EPHA6: variants seen among roughly 807,000 people sequenced by gnomAD.
EPHA6 encodes EPH receptor A6.
Under a neutral mutation model 112.0 loss-of-function variants are expected in EPHA6, and 50 were observed. That is an observed-to-expected ratio of 0.45 (90% CI 0.36 to 0.56). The LOEUF is 0.56. EPHA6 is among the 20% of genes least tolerant of loss of function. The pLI is 0.00. For synonymous variants in EPHA6, 529 were observed against 490.7 expected, an observed-to-expected ratio of 1.08 and a Z score of -1.03; for missense variants, 1,280 against 1,417.4, an observed-to-expected ratio of 0.90 and a Z score of 1.56.
intron 5 of EPHA6, among the ~76,000 whole-genome samples, chr3:97,383,653 T>C (rs2085885596): frequency 6.6e-6 from 1 of 152,110 alleles, no homozygotes; most frequent in Non-Finnish European, 1.5e-5. Context: ...AGTATTTCTA[T>C]AGAGGATTAG....
At chr3:97,236,920 G>A (rs1245850449) in intron 4 of EPHA6, among the ~76,000 whole-genome samples, 3 of 151,934 alleles carry the variant, frequency 2.0e-5, no homozygotes, top group Admixed American at 1.3e-4. Flanking sequence ...GTATGCTCAG[G>A]ATGCTCACAA....
intron 5 of EPHA6, among the ~76,000 whole-genome samples, chr3:97,392,858 AC>A (rs2086493134): frequency 2.0e-5 from 3 of 151,576 alleles, no homozygotes; most frequent in Non-Finnish European, 3.0e-5. Flanking sequence ...CATGTTGCAA[AC>A]TTTTTGTTGA....
At chr3:97,725,731 C>A (rs773499381) in intron 15 of EPHA6, among the ~76,000 whole-genome samples, 2 of 152,060 alleles carry the variant, frequency 1.3e-5, no homozygotes, top group Non-Finnish European at 1.5e-5. Context: ...GCATACTCAG[C>A]CACTAAGAAG....
intron 11 of EPHA6, among the ~76,000 whole-genome samples, chr3:97,545,833 C>G (rs987654000): frequency 3.3e-5 from 5 of 152,084 alleles, no homozygotes; most frequent in African/African-American, 4.8e-5. Flanking sequence ...CCTTCTTTTT[C>G]TCCTTTGATC....
At chr3:97,038,036 A>G (rs2045172763) in intron 3 of EPHA6, among the ~76,000 whole-genome samples, 1 of 151,970 alleles carries the variant, frequency 6.6e-6, no homozygotes, top group South Asian at 2.1e-4. Flanking sequence ...TTTTATTGAT[A>G]CATAATGTAT....
intron 10 of EPHA6, among the ~76,000 whole-genome samples, chr3:97,493,837 A>C (rs1388903412): frequency 1.3e-5 from 2 of 152,214 alleles, no homozygotes; most frequent in African/African-American, 2.4e-5. Context: ...AAAGCAAACT[A>C]TCTCGTGGTT....
intron 7 of EPHA6, among the ~76,000 whole-genome samples, chr3:97,449,365 G>A (rs1448072368): frequency 2.0e-5 from 3 of 152,020 alleles, no homozygotes; most frequent in South Asian, 2.1e-4. Context: ...CTCTCTTTGT[G>A]AGAATAGTAG....
chr3:96,859,250 C>A (rs2035872896), intron 1 of EPHA6, among the ~76,000 whole-genome samples: 1 of 151,808 alleles, frequency 6.6e-6, no homozygotes, highest in Non-Finnish European at 1.5e-5. Context: ...CAAAAGAATT[C>A]TTTAATTTTA....
intron 5 of EPHA6, among the ~76,000 whole-genome samples, chr3:97,292,112 G>C (rs1049523383): frequency 1.3e-5 from 2 of 152,240 alleles, no homozygotes; most frequent in Non-Finnish European, 2.9e-5. Flanking sequence ...TGAGGTTGCA[G>C]CTGAAGCAGA....
In EPHA6 at chr3:97,760,244, A is replaced by ATTT. The variant is rs2036125070; in HGVS notation, c.*11543_*11544insTTT. On this transcript the variant is annotated 3_prime_UTR_variant, in exon 18 of 18. Coordinates refer to ENST00000389672, the MANE Select transcript of EPHA6 (RefSeq NM_001080448.3). ...ATGCCTTCTGTCATTTACGGAAAAC[A>ATTT]CATGGGCAATATGGTTGGTTGTTCA... 1.1e-5 allele frequency: 2 copies of ATTT among 177,836 alleles called. No individual in the cohort carries two copies. Among genetic ancestry groups the ATTT allele is most frequent in the African/African-American group, 4.7e-5 (2 of 42,158 alleles). 11.0% of individuals were successfully genotyped at this position (177,836 alleles called of 1,614,324 possible).
At chr3:97,041,898 C>T (rs2045329414) in intron 3 of EPHA6, among the ~76,000 whole-genome samples, 1 of 152,078 alleles carries the variant, frequency 6.6e-6, no homozygotes, top group South Asian at 2.1e-4. Context: ...ATCACCTCCC[C>T]TTAGGCCCCT....
chr3:97,076,585 G>C (rs1224387357), intron 3 of EPHA6, among the ~76,000 whole-genome samples: 1 of 152,120 alleles, frequency 6.6e-6, no homozygotes, highest in African/African-American at 2.4e-5. Flanking sequence ...CTAATATAAT[G>C]GATGAAGGTA....
chr3:97,355,889 T>TA (rs2084046453), intron 5 of EPHA6, among the ~76,000 whole-genome samples: 1 of 152,196 alleles, frequency 6.6e-6, no homozygotes, highest in African/African-American at 2.4e-5. Context: ...GCTATACGTA[T>TA]ATCAGACAAA....
intron 5 of EPHA6, among the ~76,000 whole-genome samples, chr3:97,320,931 C>T (rs2082090471): frequency 6.6e-6 from 1 of 151,116 alleles, no homozygotes; most frequent in Admixed American, 6.6e-5. Context: ...AGTTATTGCA[C>T]ATTAAAAAAT....
At chr3:97,421,578 T>C (rs2088633261) in intron 6 of EPHA6, among the ~76,000 whole-genome samples, 1 of 152,148 alleles carries the variant, frequency 6.6e-6, no homozygotes, top group Admixed American at 6.6e-5. Flanking sequence ...GCAGCTTTAA[T>C]GTCTAATAAA....
At chr3:96,906,682 A>T (rs1202205547) in intron 2 of EPHA6, among the ~76,000 whole-genome samples, 2 of 152,020 alleles carry the variant, frequency 1.3e-5, no homozygotes, top group African/African-American at 4.8e-5. Flanking sequence ...GTGGTCAATG[A>T]GACTACATAG....
At chr3:97,274,340 A>T (rs999658414) in intron 5 of EPHA6, among the ~76,000 whole-genome samples, 1 of 152,174 alleles carries the variant, frequency 6.6e-6, no homozygotes, top group Non-Finnish European at 1.5e-5. Flanking sequence ...CTTAGCATAA[A>T]CATTGCCTAG....
intron 3 of EPHA6, among the ~76,000 whole-genome samples, chr3:97,072,173 G>T (rs1413555912): frequency 6.6e-6 from 1 of 152,060 alleles, no homozygotes; most frequent in East Asian, 1.9e-4. Flanking sequence ...AGTGGATAAA[G>T]AAATATATAT....
At chr3:97,169,102 T>G (rs1304764955) in intron 3 of EPHA6, among the ~76,000 whole-genome samples, 1 of 152,206 alleles carries the variant, frequency 6.6e-6, no homozygotes, top group Non-Finnish European at 1.5e-5. Context: ...GCTCTCAGAA[T>G]GTTCAATGTA....
Sources: gnomAD v4.1 joint callset for allele counts (sites outside exome capture counted in the v4.1 genomes callset) on GRCh38, gnomAD v4.1.1 for gene constraint, MANE v1.5 for transcripts, NCBI Gene and HGNC (gene_info 2026-07-23, HGNC 2026-07-21) for gene names.